The following DCAF8L2 variants were observed in gnomAD, a reference collection of about 807,000 sequenced individuals.
DCAF8L2 encodes DDB1 and CUL4 associated factor 8 like 2.
For missense variants in DCAF8L2, 430 were observed against 490.7 expected (o/e 0.88, Z 1.17); for synonymous variants, 200 against 190.9 (o/e 1.05, Z -0.39).
chrX:27,517,762 C>T, the DCAF8L2 span: 7 of 1,137,889 alleles, frequency 6.2e-6, no homozygotes, highest in East Asian at 3.0e-5. Context: ...AAAATAACAG[C>T]TCTCACATTG....
Position 27,748,670 on chromosome X carries a change from G to A in DCAF8L2, c.1775G>A (p.Arg592His), listed in dbSNP as rs372187026. Residue 592 changes from arginine to histidine, a missense_variant, in exon 5 of 5, where the codon CGT becomes CAT. Transcript: ENST00000451261. ...FLLRHVTQRGRHQDWRSGEAE... is the reference protein window; with the variant it reads ...FLLRHVTQRGHHQDWRSGEAE... ...CTGCGTCACGTGACGCAGAGAGGTC[G>A]TCACCAGGACTGGAGAAGTGGTGAA... The A allele has an allele frequency of 1.8e-5, 22 of 1,193,643 alleles. No individual in the cohort carries two copies. Among genetic ancestry groups the A allele is most frequent in the African/African-American group, 1.1e-4 (6 of 56,819 alleles).
chrX:27,653,758 ACAC>A (rs1216363317), intron 2 of DCAF8L2, among the ~76,000 whole-genome samples: 2 of 107,840 alleles, frequency 1.9e-5, no homozygotes, highest in Non-Finnish European at 3.8e-5. Context: ...ACACACACAC[ACAC>A]AACATATATT....
At chrX:27,711,545 A>G (rs1931535303) in intron 3 of DCAF8L2, among the ~76,000 whole-genome samples, 1 of 109,685 alleles carries the variant, frequency 9.1e-6, no homozygotes, top group Non-Finnish European at 1.9e-5. Context: ...TTGCTTCACT[A>G]TAGCAACCAC....
At chrX:27,541,698 T>C in the DCAF8L2 span, among the ~76,000 whole-genome samples, 3 of 111,011 alleles carry the variant, frequency 2.7e-5, no homozygotes, top group African/African-American at 3.3e-5. Context: ...TAATTTCAAC[T>C]TTTATTTTAG....
intron 1 of DCAF8L2, among the ~76,000 whole-genome samples, chrX:27,596,376 G>A (rs944298065): frequency 9.0e-6 from 1 of 111,123 alleles, no homozygotes; most frequent in African/African-American, 3.3e-5. Flanking sequence ...TTTACATATC[G>A]TCTGAATATG....
At chrX:27,525,971 T>A in the DCAF8L2 span, among the ~76,000 whole-genome samples, 2 of 111,908 alleles carry the variant, frequency 1.8e-5, no homozygotes, top group Admixed American at 9.5e-5. Flanking sequence ...TTTTCCTTCA[T>A]TTCAACTTTG....
the DCAF8L2 span, among the ~76,000 whole-genome samples, chrX:27,471,277 A>G: frequency 8.9e-6 from 1 of 112,146 alleles, no homozygotes; most frequent in Non-Finnish European, 1.9e-5. Context: ...TAAATACAAT[A>G]CGTGGCATTT....
chrX:27,518,906 AT>A, the DCAF8L2 span: 1 of 565,461 alleles, frequency 1.8e-6, no homozygotes, highest in Admixed American at 2.4e-5. Flanking sequence ...ATTTCATTTA[AT>A]GACAAAAAAA....
chrX:27,623,295 A>G (rs1927866688), intron 1 of DCAF8L2, among the ~76,000 whole-genome samples: 1 of 111,365 alleles, frequency 9.0e-6, no homozygotes, highest in East Asian at 2.8e-4. Flanking sequence ...ATTGTAAAAG[A>G]TTGCTTGTTG....
intron 1 of DCAF8L2, among the ~76,000 whole-genome samples, chrX:27,623,183 T>A (rs1927859783): frequency 9.0e-6 from 1 of 111,257 alleles, no homozygotes; most frequent in Non-Finnish European, 1.9e-5. Context: ...AAAGGGCTGG[T>A]TTGGTCACAG....
At chrX:27,611,617 C>T (rs752001273) in intron 1 of DCAF8L2, among the ~76,000 whole-genome samples, 193 of 109,007 alleles carry the variant, frequency 1.8e-3, no homozygotes, top group African/African-American at 6.0e-3. Context: ...CGACAGGCCC[C>T]GGTGTGTGAT....
the DCAF8L2 span, among the ~76,000 whole-genome samples, chrX:27,529,954 G>A: frequency 9.0e-6 from 1 of 111,588 alleles, no homozygotes; most frequent in African/African-American, 3.3e-5. Context: ...GAAGAATTTT[G>A]TTAAGCAAAA....
chrX:27,701,797 A>C (rs1931139328), intron 3 of DCAF8L2, among the ~76,000 whole-genome samples: 1 of 111,031 alleles, frequency 9.0e-6, no homozygotes, highest in African/African-American at 3.3e-5. Context: ...CCACATTGAG[A>C]AACTAGAAAA....
chrX:27,550,632 C>T, the DCAF8L2 span, among the ~76,000 whole-genome samples: 1 of 110,155 alleles, frequency 9.1e-6, no homozygotes. Context: ...ACTTATTCTT[C>T]CTATCCAACC....
At chrX:27,530,728 G>A in the DCAF8L2 span, among the ~76,000 whole-genome samples, 1 of 111,896 alleles carries the variant, frequency 8.9e-6, no homozygotes, top group Admixed American at 9.5e-5. Flanking sequence ...CGCCTTACAG[G>A]TACATTGTAG....
chrX:27,530,650 A>C, the DCAF8L2 span, among the ~76,000 whole-genome samples: 1 of 111,719 alleles, frequency 9.0e-6, no homozygotes, highest in South Asian at 3.8e-4. Flanking sequence ...GGATGGAGAC[A>C]AATTGATGTT....
chrX:27,559,052 G>A, the DCAF8L2 span, among the ~76,000 whole-genome samples: 137 of 110,677 alleles, frequency 1.2e-3, no homozygotes, highest in Non-Finnish European at 2.3e-3. Flanking sequence ...TAGCCATGTA[G>A]GACGTGCCAG....
At chrX:27,482,114 T>C in the DCAF8L2 span, among the ~76,000 whole-genome samples, 2 of 111,775 alleles carry the variant, frequency 1.8e-5, no homozygotes, top group Non-Finnish European at 3.8e-5. Context: ...TACTAGATGC[T>C]TCATAATGTT....
chrX:27,691,614 A>G (rs1168361254), intron 3 of DCAF8L2, among the ~76,000 whole-genome samples: 4 of 111,797 alleles, frequency 3.6e-5, no homozygotes, highest in Non-Finnish European at 5.6e-5. Context: ...ATATTGAGTG[A>G]TGGAATATCC....
Sources: gnomAD v4.1 joint callset for allele counts (sites outside exome capture counted in the v4.1 genomes callset) on GRCh38, gnomAD v4.1.1 for gene constraint, MANE v1.5 for transcripts, NCBI Gene and HGNC (gene_info 2026-07-23, HGNC 2026-07-21) for gene names.